QDPR: variants seen among roughly 807,000 people sequenced by gnomAD.
QDPR encodes the protein dihydropteridine reductase.
Under a neutral mutation model 31.7 loss-of-function variants are expected in QDPR, and 23 were observed. The ratio of observed to expected loss-of-function variants is 0.73; its 90% CI spans 0.52 to 1.03. The LOEUF is 1.03. QDPR is among the 50% of genes least tolerant of loss of function. The pLI is 0.00. For missense variants in QDPR, 324 were observed against 323.8 expected, an observed-to-expected ratio of 1.00 and a Z score of 0.00; for synonymous variants, 124 against 124.7, an observed-to-expected ratio of 0.99 and a Z score of 0.03.
intron 5 of QDPR, among the ~76,000 whole-genome samples, chr4:17,491,056 A>G (rs540360878): frequency 1.6e-4 from 24 of 152,342 alleles, no homozygotes; most frequent in Admixed American, 4.6e-4. Flanking sequence ...CACTGAATTA[A>G]ACTGCTTTGT....
intron 1 of QDPR, among the ~76,000 whole-genome samples, chr4:17,509,680 C>T (rs966000145): frequency 3.3e-5 from 5 of 151,882 alleles, no homozygotes; most frequent in Admixed American, 6.6e-5. Flanking sequence ...CACTGTACTC[C>T]GGGCTAGGCA....
intron 1 of QDPR, 96 bp downstream of exon 1, chr4:17,511,854 G>A (rs1577197538): frequency 7.5e-7 from 1 of 1,329,534 alleles, no homozygotes; most frequent in East Asian, 2.6e-5. Context: ...GTGCACAGGG[G>A]CCCCCACCTT....
At chr4:17,492,405 A>C in intron 4 of QDPR, 65 bp from the exon 5 acceptor site, 1 of 1,272,788 alleles carries the variant, frequency 7.9e-7, no homozygotes, top group Non-Finnish European at 1.1e-6. Flanking sequence ...AGGACATGCA[A>C]TCTTCTCTTG....
intron 3 of QDPR, among the ~76,000 whole-genome samples, chr4:17,502,860 CACATCCCACAGATGACTG>C (rs1297208925): frequency 2.0e-5 from 3 of 152,214 alleles, no homozygotes; most frequent in African/African-American, 7.2e-5. Flanking sequence ...CACAATACCA[CACATCCCACAGATGACTG>C]ACTTACTGCA....
At chr4:17,509,229 C>T (rs1718905773) in intron 2 of QDPR, 42 bp downstream of exon 2, 31 of 1,489,274 alleles carry the variant, frequency 2.1e-5, no homozygotes, top group Non-Finnish European at 2.8e-5. Flanking sequence ...CACCTCTCCC[C>T]AGGGTTCCCC....
intron 2 of QDPR, among the ~76,000 whole-genome samples, chr4:17,507,255 T>A (rs1718820220): frequency 6.6e-6 from 1 of 152,198 alleles, no homozygotes; most frequent in African/African-American, 2.4e-5. Flanking sequence ...GTTGGCCTTG[T>A]CACTTAGTCG....
intron 4 of QDPR, among the ~76,000 whole-genome samples, chr4:17,498,896 T>C (rs977978469): frequency 2.0e-5 from 3 of 152,164 alleles, no homozygotes; most frequent in African/African-American, 7.2e-5. Flanking sequence ...GTAGATCTAT[T>C]TCCCCAGATT....
intron 4 of QDPR, among the ~76,000 whole-genome samples, chr4:17,493,360 G>A (rs1212421793): frequency 3.3e-5 from 5 of 152,102 alleles, no homozygotes; most frequent in Admixed American, 2.6e-4. Context: ...ACTTGAGCCT[G>A]GGGGAGGTCA....
chr4:17,511,851 G>A (rs1560318218), intron 1 of QDPR, 99 bp downstream of exon 1: 6 of 1,313,100 alleles, frequency 4.6e-6, no homozygotes, highest in Admixed American at 4.2e-5. Flanking sequence ...GGGGTGCACA[G>A]GGGCCCCCAC....
At chr4:17,505,197 A>C (rs2108994862) in intron 2 of QDPR, among the ~76,000 whole-genome samples, 1 of 150,774 alleles carries the variant, frequency 6.6e-6, no homozygotes, top group South Asian at 2.1e-4. Context: ...AATGGCTGAG[A>C]TGACAAATCC....
chr4:17,493,274 T>C (rs1188543624), intron 4 of QDPR, among the ~76,000 whole-genome samples: 1 of 152,086 alleles, frequency 6.6e-6, no homozygotes, highest in African/African-American at 2.4e-5. Context: ...TGGGACCCCA[T>C]CTCTACAAAA....
rs1177556155 is a variant in QDPR at position 17,490,685 on chromosome 4, C to G, written c.606G>C (p.Trp202Cys). ...ACTCAACTAGGAATTCTAAGGGTGT[C>G]CAGGAGCTGAAGTCAGCCTCAGGCA... ...KSMPEADFSS[W>C]TPLEFLVETF... is the part of the protein sequence containing the mutation. The change falls in exon 6 of 7, where the codon TGG becomes TGC. Residue 202 changes from tryptophan to cysteine, a missense_variant. Transcript: ENST00000281243. The G allele has an allele frequency of 6.2e-7, 1 of 1,613,918 alleles. No homozygotes were observed. Among genetic ancestry groups the G allele is most frequent in the Non-Finnish European group, 8.5e-7 (1 of 1,179,874 alleles).
intron 4 of QDPR, among the ~76,000 whole-genome samples, chr4:17,493,201 G>C (rs918710955): frequency 5.3e-5 from 8 of 152,126 alleles, no homozygotes; most frequent in African/African-American, 1.9e-4. Flanking sequence ...CCAGCACTTT[G>C]GGAGGCTGAG....
intron 3 of QDPR, among the ~76,000 whole-genome samples, 168 bp downstream of exon 3, chr4:17,504,211 T>C (rs1324098551): frequency 6.6e-6 from 1 of 152,166 alleles, no homozygotes; most frequent in Non-Finnish European, 1.5e-5. Context: ...GCTTCTTCTT[T>C]ATCCGTAAAA....
intron 4 of QDPR, among the ~76,000 whole-genome samples, chr4:17,501,031 T>C (rs915793607): frequency 4.6e-5 from 7 of 152,220 alleles, no homozygotes; most frequent in Admixed American, 3.9e-4. Flanking sequence ...TCTACATAGC[T>C]ACACCTCTAC....
intron 2 of QDPR, among the ~76,000 whole-genome samples, chr4:17,509,022 G>A (rs1457532700): frequency 6.6e-6 from 1 of 152,244 alleles, no homozygotes; most frequent in East Asian, 1.9e-4. Context: ...GCTGGGGGTG[G>A]TGGCAGGCAC....
chr4:17,490,713 G>T lies in QDPR; in HGVS notation c.578C>A (p.Ser193Ter). 6.2e-7 allele frequency: 1 copy of T among 1,614,026 alleles called. No homozygotes were observed. The highest frequency in any genetic ancestry group is 1.1e-5 in the South Asian group (1 of 91,056). ...GGAGCTGAAGTCAGCCTCAGGCATT[G>T]ATTTCCTGTTCATCGGGGTATCCAG... is the stretch of plus-strand genomic sequence containing the variant. ...VTLDTPMNRK[S>*]MPEADFSSWT... The change falls in exon 6 of 7, where the codon TCA becomes TAA. Residue 193 changes from serine (S) to a stop codon, truncating the protein, a stop_gained. Transcript: ENST00000281243. LOFTEE classifies it high-confidence loss of function.
chr4:17,510,025 A>G (rs763202506), intron 1 of QDPR: 22 of 451,172 alleles, frequency 4.9e-5, no homozygotes, highest in Admixed American at 4.3e-4. Flanking sequence ...AAATAAGTGC[A>G]GCTGTGTTCC....
intron 1 of QDPR, among the ~76,000 whole-genome samples, chr4:17,510,749 G>A (rs893857898): frequency 6.6e-6 from 1 of 152,180 alleles, no homozygotes; most frequent in Non-Finnish European, 1.5e-5. Context: ...GGGGCATTAA[G>A]AGTCTATGGG....
Sources: gnomAD v4.1 joint callset for allele counts (sites outside exome capture counted in the v4.1 genomes callset) on GRCh38, gnomAD v4.1.1 for gene constraint, MANE v1.5 for transcripts, NCBI Gene and HGNC (gene_info 2026-07-23, HGNC 2026-07-21) for gene names.